Variants in WDFY4 observed in about 807,000 individuals in gnomAD.
WDFY4 encodes WD repeat- and FYVE domain-containing protein 4.
Under a neutral mutation model 351.9 loss-of-function variants are expected in WDFY4, and 169 were observed. The observed-to-expected ratio is 0.48, with a 90% CI of 0.42 to 0.55. WDFY4 has a LOEUF of 0.55. Among genes scored for constraint, WDFY4 ranks in the 20% least tolerant of loss-of-function variants. WDFY4 has a pLI of 0.00. For missense variants in WDFY4, 3,803 were observed against 3,935.6 expected, an observed-to-expected ratio of 0.97 and a Z score of 0.90; for synonymous variants, 1,622 against 1,574.6, an observed-to-expected ratio of 1.03 and a Z score of -0.71.
chr10:48,820,560 C>A, intron 33 of WDFY4, 123 bp downstream of exon 33: 1 of 1,087,740 alleles, frequency 9.2e-7, no homozygotes, highest in Non-Finnish European at 1.3e-6. Context: ...GAAGGGGAAT[C>A]TGTGAACCAT....
chr10:48,769,156 T>A (rs1464637743), intron 13 of WDFY4, among the ~76,000 whole-genome samples: 2 of 152,186 alleles, frequency 1.3e-5, no homozygotes, highest in African/African-American at 4.8e-5. Flanking sequence ...CAGATCTGCC[T>A]AGTTACGTTG....
At chr10:48,689,102 A>C (rs759699428) in intron 1 of WDFY4, among the ~76,000 whole-genome samples, 2 of 151,670 alleles carry the variant, frequency 1.3e-5, no homozygotes, top group African/African-American at 4.9e-5. Flanking sequence ...AGAAAGAAGG[A>C]ATATATCTTG....
At chr10:48,861,621 T>A (rs1184210689) in intron 39 of WDFY4, among the ~76,000 whole-genome samples, 1 of 152,186 alleles carries the variant, frequency 6.6e-6, no homozygotes, top group Non-Finnish European at 1.5e-5. Flanking sequence ...TGTTTAGGAT[T>A]TTTTTCTTTG....
chr10:48,718,819 G>A (rs1233875146), intron 2 of WDFY4, among the ~76,000 whole-genome samples: 1 of 152,220 alleles, frequency 6.6e-6, no homozygotes, highest in Non-Finnish European at 1.5e-5. Flanking sequence ...TACGAACAGG[G>A]CTGCTACAGA....
chr10:48,943,195 A>C, intron 48 of WDFY4, 135 bp from the exon 49 acceptor site: 1 of 1,029,156 alleles, frequency 9.7e-7, no homozygotes, highest in Non-Finnish European at 1.4e-6. Flanking sequence ...AGATGTGCAC[A>C]AAGTAACCGA....
intron 28 of WDFY4, among the ~76,000 whole-genome samples, chr10:48,809,338 C>CATCACCATCATCACCACATTA (rs1033674473): frequency 6.6e-6 from 1 of 151,746 alleles, no homozygotes; most frequent in Non-Finnish European, 1.5e-5. Context: ...CCCTCACCAC[C>CATCACCATCATCACCACATTA]ATCACCATCA....
At position 48,747,301 on chromosome 10, in the gene WDFY4, G is replaced by C. The variant is rs60077534; in HGVS notation, c.2459+3753G>C. Among the ~76,000 whole-genome samples the C allele has an allele frequency of 2.7e-3, 417 of 151,900 alleles. 1 individual carries two copies. Among genetic ancestry groups the C allele is most frequent in the African/African-American group, 9.5e-3 (394 of 41,370 alleles). ...CGCTTTTAAGATCTTCACCATTCTT[G>C]TTCTATTGCTTTACTGTCATATATC... On this transcript the variant is annotated intron_variant, in intron 12 of 61. Transcript: ENST00000325239.
intron 47 of WDFY4, among the ~76,000 whole-genome samples, chr10:48,911,331 GT>G (rs1837983776): frequency 6.6e-6 from 1 of 152,204 alleles, no homozygotes; most frequent in Admixed American, 6.5e-5. Flanking sequence ...ACTGGTAGGC[GT>G]ATGTGTGTAA....
At chr10:48,761,998 G>A (rs149413121) in intron 13 of WDFY4, among the ~76,000 whole-genome samples, 128 of 152,336 alleles carry the variant, frequency 8.4e-4, no homozygotes, top group African/African-American at 3.0e-3. Flanking sequence ...CCTTGGGGCA[G>A]GACTCCTGGT....
At chr10:48,729,640 A>G in intron 8 of WDFY4, 51 bp downstream of exon 8, 1 of 1,539,494 alleles carries the variant, frequency 6.5e-7, no homozygotes, top group Non-Finnish European at 8.8e-7. Context: ...CTGAGCCCTG[A>G]GAAGGCTACA....
At chr10:48,750,447 G>T (rs2065146334) in intron 12 of WDFY4, among the ~76,000 whole-genome samples, 1 of 152,200 alleles carries the variant, frequency 6.6e-6, no homozygotes, top group African/African-American at 2.4e-5. Context: ...CTCTACCTGG[G>T]ATGCCTTTCC....
At chr10:48,818,232 A>G (rs1044544012) in intron 32 of WDFY4, among the ~76,000 whole-genome samples, 4 of 152,212 alleles carry the variant, frequency 2.6e-5, no homozygotes, top group African/African-American at 9.6e-5. Flanking sequence ...AACTGTAGCT[A>G]AAGGAGCATA....
At chr10:48,813,785 A>T (rs890609768) in intron 30 of WDFY4, among the ~76,000 whole-genome samples, 172 bp from the exon 31 acceptor site, 1 of 152,182 alleles carries the variant, frequency 6.6e-6, no homozygotes, top group African/African-American at 2.4e-5. Flanking sequence ...TGTTTCCCTT[A>T]TGCACCATCT....
At chr10:48,894,638 G>A in intron 44 of WDFY4, among the ~76,000 whole-genome samples, 1 of 152,276 alleles carries the variant, frequency 6.6e-6, no homozygotes, top group East Asian at 1.9e-4. Context: ...CTCAGGGGAA[G>A]ATACAGAGGA....
At chr10:48,711,086 G>A (rs952586198) in intron 2 of WDFY4, among the ~76,000 whole-genome samples, 1 of 152,184 alleles carries the variant, frequency 6.6e-6, no homozygotes, top group East Asian at 1.9e-4. Context: ...GCTTTGGCAT[G>A]TTTTCACTGC....
chr10:48,907,370 T>A (rs12779799), intron 47 of WDFY4, among the ~76,000 whole-genome samples: 20,282 of 152,134 alleles, frequency 0.13, 1,503 homozygotes, highest in Middle Eastern at 0.21. Flanking sequence ...CCACTGGGTG[T>A]GAGATGGTGC....
At chr10:48,695,811 G>A (rs1361733426) in intron 1 of WDFY4, among the ~76,000 whole-genome samples, 1 of 152,054 alleles carries the variant, frequency 6.6e-6, no homozygotes, top group Non-Finnish European at 1.5e-5. Context: ...GTCCAGCCAG[G>A]GGAACTGCTC....
chr10:48,829,651 A>C (rs866295260), intron 37 of WDFY4, among the ~76,000 whole-genome samples: 1 of 152,170 alleles, frequency 6.6e-6, no homozygotes, highest in African/African-American at 2.4e-5. Flanking sequence ...GGAGTTCAAG[A>C]CCAGCCTGCC....
At chr10:48,886,727 C>T (rs1310627865) in intron 43 of WDFY4, among the ~76,000 whole-genome samples, 2 of 152,224 alleles carry the variant, frequency 1.3e-5, no homozygotes, top group East Asian at 3.8e-4. Context: ...TGGACTAAGA[C>T]ACCTTCTAAC....
Sources: allele counts gnomAD v4.1 joint callset (sites outside exome capture counted in the v4.1 genomes callset), GRCh38; gene constraint gnomAD v4.1.1; transcripts MANE v1.5; gene names NCBI Gene and HGNC (gene_info 2026-07-23, HGNC 2026-07-21).